The following NAAA variants were observed in gnomAD, a reference collection of about 807,000 sequenced individuals.
The protein encoded by NAAA is N-acylethanolamine-hydrolyzing acid amidase.
NAAA carries 39 observed loss-of-function variants against 44.8 expected under a neutral mutation model. The observed-to-expected ratio is 0.87, with a 90% confidence interval of 0.67 to 1.14. NAAA has a LOEUF of 1.14. Ranked by LOEUF, NAAA falls within the 50% of genes most tolerant of loss-of-function variation. The pLI, the probability that NAAA is intolerant of heterozygous loss-of-function variation, is 0.00. For missense variants in NAAA, 460 were observed against 467.8 expected (o/e 0.98, Z 0.15); for synonymous variants, 178 against 191.3 (o/e 0.93, Z 0.58).
At chr4:75,918,869 G>T (rs1725877869) in intron 8 of NAAA, 80 bp from the exon 9 acceptor site, 1 of 1,367,218 alleles carries the variant, frequency 7.3e-7, no homozygotes, top group African/African-American at 1.4e-5. Context: ...AGGGCCGGGT[G>T]CAGTGGCTCA....
downstream of NAAA, among the ~76,000 whole-genome samples, chr4:75,910,878 G>A (rs559191165): frequency 1.3e-5 from 2 of 152,110 alleles, no homozygotes; most frequent in African/African-American, 4.8e-5. Flanking sequence ...TAATCACCTG[G>A]GTGCACGTGG....
intron 5 of NAAA, among the ~76,000 whole-genome samples, chr4:75,924,389 A>C (rs1222080685): frequency 6.6e-6 from 1 of 152,208 alleles, no homozygotes; most frequent in Non-Finnish European, 1.5e-5. Context: ...TAGGTGACTG[A>C]TTTCATCCCA....
chr4:75,920,279 C>A (rs78926176), intron 7 of NAAA, among the ~76,000 whole-genome samples: 3,463 of 152,310 alleles, frequency 0.023, 133 homozygotes, highest in African/African-American at 0.079. Flanking sequence ...TAGCTACCTG[C>A]ACTTTGGAAC....
chr4:75,916,328 T>A (rs1438361463), intron 9 of NAAA: 1 of 152,202 alleles, frequency 6.6e-6, no homozygotes, highest in African/African-American at 2.4e-5. Flanking sequence ...GTAAAGGGCC[T>A]GAGAGTCAGA....
chr4:75,925,924 G>C (rs1403999698), intron 4 of NAAA, 113 bp from the exon 5 acceptor site: 4 of 997,072 alleles, frequency 4.0e-6, no homozygotes, highest in Non-Finnish European at 4.6e-6. Flanking sequence ...AGTTTTGAAA[G>C]CAGAATCTTT....
At chr4:75,931,408 C>A in intron 3 of NAAA, 104 bp from the exon 4 acceptor site, 6 of 780,848 alleles carry the variant, frequency 7.7e-6, no homozygotes, top group South Asian at 1.9e-5. Context: ...TTATAAATTC[C>A]AACACAATAG....
chr4:75,929,104 C>T (rs1372256471), intron 4 of NAAA, among the ~76,000 whole-genome samples: 2 of 151,998 alleles, frequency 1.3e-5, no homozygotes, highest in Non-Finnish European at 1.5e-5. Flanking sequence ...TCCCTGCTTT[C>T]GAGATGAGGA....
chr4:75,918,700 C>T lies in NAAA; in HGVS notation c.998+61G>A, dbSNP rs138377393. 2.9e-3 allele frequency: 4,579 copies of T among 1,562,590 alleles called. 42 individuals are homozygous for T. In the African/African-American group the frequency reaches 0.034, roughly 12 times the overall value. On this transcript the variant is annotated intron_variant, in intron 9 of 10. Coordinates refer to ENST00000286733, the MANE Select transcript of NAAA (RefSeq NM_014435.4). ...CAGATCCTTGCTGAGCCAAACAGTACGTGAGTGAGTTCACTGTTCTGGAGT... is the reference window on the plus strand; with the variant it reads ...CAGATCCTTGCTGAGCCAAACAGTATGTGAGTGAGTTCACTGTTCTGGAGT...
chr4:75,940,225 G>T, intron 1 of NAAA, 60 bp from the exon 2 acceptor site: 1 of 1,561,430 alleles, frequency 6.4e-7, no homozygotes, highest in Non-Finnish European at 8.7e-7. Flanking sequence ...GTGCGACTGC[G>T]TGTGCACTGC....
intron 2 of NAAA, among the ~76,000 whole-genome samples, chr4:75,938,595 GC>G (rs61381847): frequency 2.0e-5 from 3 of 152,176 alleles, no homozygotes; most frequent in Admixed American, 1.3e-4. Context: ...CTGGGAAAAT[GC>G]CTGGGCCAGT....
At chr4:75,924,090 T>C (rs1429999786) in intron 5 of NAAA, among the ~76,000 whole-genome samples, 1 of 152,202 alleles carries the variant, frequency 6.6e-6, no homozygotes, top group African/African-American at 2.4e-5. Context: ...TTGGGACTCC[T>C]CTTTGCTCTT....
At position 75,914,932 on chromosome 4, in the gene NAAA, G is replaced by T. The variant is rs764581088; in HGVS notation, c.1052C>A (p.Thr351Asn). 2.5e-6 allele frequency: 4 copies of T among 1,614,074 alleles called. No individual in the cohort carries two copies. The highest frequency in any genetic ancestry group is 2.5e-6 in the Non-Finnish European group (3 of 1,179,988). The stretch of plus-strand genomic sequence containing the variant: ...CTTTCTACTCGGGTTTCTGATCCTA[G>T]TCATGTACTTGTCTGGGCTACCGGC... ...MSAGSPDKYMTRIRNPSRK is the reference protein window; with the variant it reads ...MSAGSPDKYMNRIRNPSRK The change falls in exon 10 of 11, where the codon ACT (threonine) becomes AAT (asparagine). Residue 351 changes from threonine (T) to asparagine (N), a missense_variant. Physicochemically the swap from Thr to Asn is moderately conservative, Grantham distance 65. Transcript: ENST00000286733.
At chr4:75,920,712 A>C (rs376569366) in intron 7 of NAAA, 26 bp downstream of exon 7, 2 of 1,614,106 alleles carry the variant, frequency 1.2e-6, no homozygotes, top group African/African-American at 1.3e-5. Flanking sequence ...AAAACACTGC[A>C]AACCAGAAAG....
chr4:75,915,621 C>A (rs1480021188), intron 9 of NAAA, among the ~76,000 whole-genome samples: 2 of 152,128 alleles, frequency 1.3e-5, no homozygotes, highest in Non-Finnish European at 2.9e-5. Context: ...CTGAGAATTA[C>A]AGGGTCCTGG....
At position 75,920,953 on chromosome 4, in the gene NAAA, T is replaced by A. The variant is rs1184941330; in HGVS notation, c.837A>T (p.Gly279=). 6.2e-7 allele frequency: 1 copy of A among 1,613,664 alleles called. No homozygotes were observed. The highest frequency in any genetic ancestry group is 1.7e-5 in the Admixed American group (1 of 59,836). ...ADIWPLDPLN[G]AWFRVETNYD... is the part of the protein sequence containing the mutation. ...CCAGAGCTTTCAATTCTACTTACGC[T>A]CCATTCAAAGGATCTAGAGGCCAAA... Residue 279 remains glycine, a splice_region_variant and synonymous_variant, in exon 6 of 11, where the codon GGA becomes GGT. Coordinates refer to ENST00000286733, the MANE Select transcript of NAAA (RefSeq NM_014435.4).
intron 4 of NAAA, among the ~76,000 whole-genome samples, chr4:75,927,656 A>T (rs1453670114): frequency 1.5e-5 from 2 of 137,252 alleles, no homozygotes; most frequent in African/African-American, 5.1e-5. Context: ...CCGCCAAAAA[A>T]AATAGCTAGA....
chr4:75,925,925 C>G lies in NAAA; in HGVS notation c.590-114G>C, dbSNP rs544656943. The G allele has an allele frequency of 3.0e-6, 3 of 984,170 alleles. No homozygotes were observed. In the East Asian group the frequency reaches 7.7e-5, roughly 25 times the overall value. 61.0% of individuals were successfully genotyped at this position (984,170 alleles called of 1,614,324 possible). A position where few individuals can be genotyped will look rare whatever the true frequency, so the allele number is the denominator to read the frequency against. Reference sequence around the variant, plus strand: ...GAGATATTCACTCAAGTTTTGAAAGCAGAATCTTTTGTACCAGGATACAAT... The same window carrying G: ...GAGATATTCACTCAAGTTTTGAAAGGAGAATCTTTTGTACCAGGATACAAT... On this transcript the variant is annotated intron_variant, in intron 4 of 10. Transcript: ENST00000286733.
chr4:75,919,354 T>A (rs1725929415), intron 8 of NAAA: 1 of 152,270 alleles, frequency 6.6e-6, no homozygotes, highest in African/African-American at 2.4e-5. Flanking sequence ...ACTTTTTAAT[T>A]CTTTCTCTTT....
Position 75,940,932 on chromosome 4 carries a change from C to A in NAAA, c.18G>T (p.Arg6=), listed in dbSNP as rs1377015466. The stretch of plus-strand genomic sequence containing the variant: ...GGGACGGAAGCCCCGGGCGCGCCTC[C>A]CGGTCCGCGGTCCGCATGGCTCGGG... The part of the protein sequence containing the change: MRTAD[R]EARPGLPSLL... Residue 6 remains arginine (R), a synonymous_variant, in exon 1 of 11, where the codon CGG becomes CGT. Coordinates refer to ENST00000286733, the MANE Select transcript of NAAA (RefSeq NM_014435.4). 2 of 1,499,518 alleles carry A rather than the reference C, an allele frequency of 1.3e-6. No individual in the cohort carries two copies. The highest frequency in any genetic ancestry group is 1.8e-6 in the Non-Finnish European group (2 of 1,132,930). 92.9% of individuals were successfully genotyped at this position (1,499,518 alleles called of 1,614,324 possible).
Sources: gnomAD v4.1 joint callset for allele counts (sites outside exome capture counted in the v4.1 genomes callset) on GRCh38, gnomAD v4.1.1 for gene constraint, MANE v1.5 for transcripts, NCBI Gene and HGNC (gene_info 2026-07-23, HGNC 2026-07-21) for gene names.